NPTN: variants seen among roughly 807,000 people sequenced by gnomAD.
NPTN encodes neuroplastin.
NPTN carries 5 observed loss-of-function variants against 42.7 expected under a neutral mutation model. The observed-to-expected ratio is 0.12, with a 90% CI of 0.06 to 0.25. The LOEUF (loss-of-function observed/expected upper bound fraction) is 0.25. Ranked by LOEUF, NPTN falls within the 10% of genes least tolerant of loss-of-function variation. The pLI is 1.00. For synonymous variants in NPTN, 180 were observed against 201.9 expected (o/e 0.89, Z 0.92); for missense variants, 307 against 525.4 (o/e 0.58, Z 4.06).
chr15:73,595,073 T>C (rs1385575687), intron 2 of NPTN, among the ~76,000 whole-genome samples: 1 of 152,150 alleles, frequency 6.6e-6, no homozygotes, highest in African/African-American at 2.4e-5. Flanking sequence ...TTGGATTTGA[T>C]TCAACCACAT....
chr15:73,603,766 T>C (rs950845463), intron 1 of NPTN, among the ~76,000 whole-genome samples: 6 of 152,216 alleles, frequency 3.9e-5, no homozygotes, highest in African/African-American at 1.4e-4. Flanking sequence ...CAGGCCAAAC[T>C]GTTAATTTAC....
chr15:73,582,742 G>T (rs886220125), intron 4 of NPTN, among the ~76,000 whole-genome samples: 1 of 152,198 alleles, frequency 6.6e-6, no homozygotes, highest in Non-Finnish European at 1.5e-5. Flanking sequence ...AGTGGGTAGA[G>T]GTGTGGGAGT....
At position 73,622,067 on chromosome 15, in the gene NPTN, C is replaced by A. The variant is rs540929699; in HGVS notation, c.91+11058G>T. 2.4e-4 allele frequency among the ~76,000 whole-genome samples: 36 copies of A among 152,240 alleles called. 1 individual carries two copies. In the South Asian group the frequency reaches 7.3e-3, roughly 31 times the overall value. ...ATAGGAGACTGAGGCAGGAGAATCA[C>A]TCGAACCCGGGAGATGGAGGTTGCA... is the stretch of plus-strand genomic sequence containing the variant. On this transcript the variant is annotated intron_variant, in intron 1 of 8. Transcript: ENST00000345330.
intron 1 of NPTN, among the ~76,000 whole-genome samples, chr15:73,616,003 G>A (rs1010755528): frequency 6.6e-6 from 1 of 152,110 alleles, no homozygotes; most frequent in African/African-American, 2.4e-5. Context: ...CCAGAGGTTG[G>A]CAAGCCTTGT....
intron 1 of NPTN, among the ~76,000 whole-genome samples, chr15:73,626,941 T>A (rs1898447580): frequency 6.6e-6 from 1 of 152,048 alleles, no homozygotes; most frequent in Admixed American, 6.6e-5. Context: ...GATATCCAAA[T>A]TGGCATATTT....
rs1189196989 is a variant in NPTN at position 73,597,975 on chromosome 15, G to A, written c.92-606C>T. Among the ~76,000 whole-genome samples, 3 of 152,180 alleles carry A rather than the reference G, an allele frequency of 2.0e-5. No individual in the cohort carries two copies. The highest frequency in any genetic ancestry group is 2.9e-5 in the Non-Finnish European group (2 of 68,038). On this transcript the variant is annotated intron_variant, in intron 1 of 8. Coordinates refer to ENST00000345330, the MANE Select transcript of NPTN (RefSeq NM_012428.4). This position sits in a 1 kb window ranked among gnomAD's most constrained non-coding sequence, Gnocchi z 6.3. ...TCACACAGGATTCTATCCTGGGTTC[G>A]ATTAGACTTTCTCCACCTCCTATTC...
At chr15:73,580,992 T>C (rs1177880788) in intron 4 of NPTN, among the ~76,000 whole-genome samples, 1 of 152,110 alleles carries the variant, frequency 6.6e-6, no homozygotes, top group Non-Finnish European at 1.5e-5. Context: ...AAATTACATC[T>C]CCATACTAAT....
intron 1 of NPTN, among the ~76,000 whole-genome samples, chr15:73,631,429 A>C (rs1898736061): frequency 6.6e-6 from 1 of 152,150 alleles, no homozygotes; most frequent in African/African-American, 2.4e-5. Flanking sequence ...TTCCTTCCTG[A>C]CCCCTGCAGT....
intron 4 of NPTN, among the ~76,000 whole-genome samples, chr15:73,580,201 G>C (rs1895914887): frequency 6.6e-6 from 1 of 151,086 alleles, no homozygotes; most frequent in Non-Finnish European, 1.5e-5. Context: ...AACTAGAATA[G>C]AGTCCACAAA....
intron 4 of NPTN, among the ~76,000 whole-genome samples, chr15:73,578,667 G>T (rs1002452787): frequency 3.3e-5 from 5 of 152,176 alleles, no homozygotes; most frequent in African/African-American, 7.2e-5. Context: ...CTAGAACATG[G>T]TAAGTTTAAG....
chr15:73,605,506 A>T (rs1897260235), intron 1 of NPTN, among the ~76,000 whole-genome samples: 1 of 152,148 alleles, frequency 6.6e-6, no homozygotes, highest in African/African-American at 2.4e-5. Context: ...AGGCGGGCAG[A>T]TCACCTGAGG....
At chr15:73,611,391 GCAAAAACAAAACAAAACAAAA>G (rs1897573008) in intron 1 of NPTN, among the ~76,000 whole-genome samples, 1 of 151,766 alleles carries the variant, frequency 6.6e-6, no homozygotes, top group African/African-American at 2.4e-5. Flanking sequence ...ACTATTCAAT[GCAAAAACAAAACAAAACAAAA>G]CAAAAACAAA....
At chr15:73,562,989 GAAA>G (rs200404677) in intron 7 of NPTN, among the ~76,000 whole-genome samples, 1 of 142,872 alleles carries the variant, frequency 7.0e-6, no homozygotes, top group East Asian at 2.0e-4. Flanking sequence ...CACAAAATTT[GAAA>G]AAAAAAAAAG....
intron 1 of NPTN, among the ~76,000 whole-genome samples, chr15:73,618,031 ACATTT>A (rs1897945609): frequency 6.6e-6 from 1 of 152,252 alleles, no homozygotes; most frequent in Non-Finnish European, 1.5e-5. Flanking sequence ...CCATGGGCAG[ACATTT>A]CGTTTCACAA....
Position 73,564,576 on chromosome 15 carries a change from G to A in NPTN, c.1115-1319C>T, listed in dbSNP as rs1894871273. On this transcript the variant is annotated intron_variant, in intron 6 of 8. Transcript: ENST00000345330. ...CCACAGGAGTCCACTACTAACAACAGTATACACTATCAAACGGGTACAGAG... is the reference window on the plus strand; with the variant it reads ...CCACAGGAGTCCACTACTAACAACAATATACACTATCAAACGGGTACAGAG... Among the ~76,000 whole-genome samples the A allele has an allele frequency of 2.0e-5, 3 of 152,148 alleles. No individual in the cohort carries two copies. The South Asian group carries it at 6.2e-4, about 32-fold the overall frequency.
Position 73,615,957 on chromosome 15 carries a change from C to CA in NPTN, c.91+17167dup, listed in dbSNP as rs552884131. ...CTATCATGTACATATACCTGGATTT[C>CA]AAAACTCGGGTAAGTGACAGGTAGC... On this transcript the variant is annotated intron_variant, in intron 1 of 8. Transcript: ENST00000345330. 2.0e-3 allele frequency among the ~76,000 whole-genome samples: 307 copies of CA among 152,196 alleles called. 2 individuals carry two copies. Among genetic ancestry groups the CA allele is most frequent in the Non-Finnish European group, 3.1e-3 (208 of 68,006 alleles).
chr15:73,565,664 T>G (rs1364933405), intron 6 of NPTN: 1 of 436,846 alleles, frequency 2.3e-6, no homozygotes, highest in Non-Finnish European at 4.7e-6. Flanking sequence ...CAATGACTGT[T>G]CTCTCCACCT....
chr15:73,599,656 G>C (rs1896997911), intron 1 of NPTN: 1 of 148,146 alleles, frequency 6.8e-6, no homozygotes, highest in Non-Finnish European at 1.5e-5. Flanking sequence ...GGAAGGGAGG[G>C]AGGGAGGGGA....
At chr15:73,588,597 C>T (rs975349376) in intron 3 of NPTN, among the ~76,000 whole-genome samples, 1 of 152,150 alleles carries the variant, frequency 6.6e-6, no homozygotes, top group Non-Finnish European at 1.5e-5. Context: ...TTCAATGCAC[C>T]AAGCTTGTTC....
Sources: gnomAD v4.1 joint callset for allele counts (sites outside exome capture counted in the v4.1 genomes callset) on GRCh38, gnomAD v4.1.1 for gene constraint, Gnocchi (gnomAD v3.1) non-coding constraint, MANE v1.5 for transcripts, NCBI Gene and HGNC (gene_info 2026-07-23, HGNC 2026-07-21) for gene names.